The following PPP1R1C variants were observed in gnomAD, a reference collection of about 807,000 sequenced individuals.
PPP1R1C encodes the protein protein phosphatase 1 regulatory subunit 1C.
A neutral mutation model predicts 17.4 loss-of-function variants in PPP1R1C; 15 were observed. That is an observed-to-expected ratio of 0.86 (90% CI 0.58 to 1.33). The LOEUF is 1.33. PPP1R1C is among the 40% of genes most tolerant of loss of function. The probability of loss-of-function intolerance (pLI) is 0.00; values close to 1 mark genes in which losing one functional copy is unlikely to be tolerated. For synonymous variants in PPP1R1C, 35 were observed against 43.1 expected (o/e 0.81, Z 0.73); for missense variants, 143 against 130.0 (o/e 1.10, Z -0.48).
At chr2:182,119,143 G>C (rs1027004273), downstream of PPP1R1C, among the ~76,000 whole-genome samples, 31 of 151,068 alleles carry the variant, frequency 2.1e-4, no homozygotes, top group African/African-American at 6.8e-4. Flanking sequence ...CTATGAGTGG[G>C]AACATGTGGT....
At chr2:182,004,486 TGAAATCTTA>T (rs1685858680) in intron 2 of PPP1R1C, among the ~76,000 whole-genome samples, 1 of 152,244 alleles carries the variant, frequency 6.6e-6, no homozygotes, top group South Asian at 2.1e-4. Context: ...AAGAGTATGC[TGAAATCTTA>T]GGGTGAAGGC....
At chr2:182,010,435 C>A (rs569805319) in intron 2 of PPP1R1C, among the ~76,000 whole-genome samples, 12 of 151,810 alleles carry the variant, frequency 7.9e-5, no homozygotes, top group Non-Finnish European at 1.0e-4. Context: ...TTTACTGTTG[C>A]CATATAGAAA....
chr2:181,991,084 A>G (rs1430066684), intron 2 of PPP1R1C, among the ~76,000 whole-genome samples: 1 of 151,130 alleles, frequency 6.6e-6, no homozygotes, highest in Non-Finnish European at 1.5e-5. Context: ...GTGTACTGCA[A>G]TCACTGTTAA....
intron 2 of PPP1R1C, among the ~76,000 whole-genome samples, chr2:182,023,286 A>G (rs1686486249): frequency 6.6e-6 from 1 of 152,214 alleles, no homozygotes; most frequent in Non-Finnish European, 1.5e-5. Context: ...GAATATACCA[A>G]AATGGTACCA....
chr2:182,122,146 AGAGTT>A (rs1242091960), downstream of PPP1R1C, among the ~76,000 whole-genome samples: 1 of 152,084 alleles, frequency 6.6e-6, no homozygotes, highest in African/African-American at 2.4e-5. Context: ...ATTCTTGACT[AGAGTT>A]ATTTCTATTG....
rs1295290337 is a variant in PPP1R1C, at chr2:181,957,623, CTGTTT to C, written n.111+2992_111+2996del. Among the ~76,000 whole-genome samples the C allele has an allele frequency of 2.0e-5, 3 of 152,244 alleles. No homozygotes were observed. Among genetic ancestry groups the C allele is most frequent in the Admixed American group, 6.5e-5 (1 of 15,298 alleles). On this transcript the variant is annotated intron_variant and non_coding_transcript_variant, in intron 1 of 5. Coordinates refer to the PPP1R1C transcript ENST00000464264. The surrounding 1 kb of genome is among the most constrained non-coding windows in gnomAD (Gnocchi z 4.2). ...GGGTGTCTTCTTCTCAAAACTGTTTCTGTTTTGAGTATTCTTTATTTTCTTCTTAT... is the reference window on the plus strand; with the variant it reads ...GGGTGTCTTCTTCTCAAAACTGTTTCTGAGTATTCTTTATTTTCTTCTTAT...
At chr2:182,120,989 T>C (rs1326424810), downstream of PPP1R1C, among the ~76,000 whole-genome samples, 2 of 152,202 alleles carry the variant, frequency 1.3e-5, no homozygotes, top group Admixed American at 6.5e-5. Context: ...ATGTTGACTT[T>C]CTCAGAAATT....
At chr2:182,124,013 C>T (rs2125241838) in intron 5 of PPP1R1C, among the ~76,000 whole-genome samples, 1 of 152,224 alleles carries the variant, frequency 6.6e-6, no homozygotes, top group African/African-American at 2.4e-5. Context: ...TTTAATCCAT[C>T]TTCAGTTAAT....
At chr2:182,108,936 A>C (rs1225218642) in intron 4 of PPP1R1C, among the ~76,000 whole-genome samples, 1 of 152,198 alleles carries the variant, frequency 6.6e-6, no homozygotes, top group East Asian at 1.9e-4. Flanking sequence ...GGAAATTGCC[A>C]AACTCTCTCT....
chr2:182,074,245 A>T (rs1207209100), intron 4 of PPP1R1C, among the ~76,000 whole-genome samples: 1 of 151,652 alleles, frequency 6.6e-6, no homozygotes, highest in Non-Finnish European at 1.5e-5. Flanking sequence ...GTTTCACCAT[A>T]TTAGCCAGGA....
At chr2:181,980,280 G>A (rs1404589045) in intron 2 of PPP1R1C, among the ~76,000 whole-genome samples, 1 of 152,144 alleles carries the variant, frequency 6.6e-6, no homozygotes. Flanking sequence ...CAAAAAGCAG[G>A]GAGAGGCTAA....
At chr2:182,026,760 G>A (rs892081851) in intron 2 of PPP1R1C, among the ~76,000 whole-genome samples, 1 of 151,364 alleles carries the variant, frequency 6.6e-6, no homozygotes, top group Admixed American at 6.6e-5. Flanking sequence ...GTCATTGGTA[G>A]CTTGATGGGG....
intron 4 of PPP1R1C, among the ~76,000 whole-genome samples, chr2:182,098,567 T>G (rs1168524031): frequency 6.6e-6 from 1 of 152,188 alleles, no homozygotes; most frequent in Non-Finnish European, 1.5e-5. Context: ...AATGTGATTC[T>G]AATAATCTAC....
chr2:182,069,769 C>T (rs955302999), intron 4 of PPP1R1C, among the ~76,000 whole-genome samples: 1 of 152,124 alleles, frequency 6.6e-6, no homozygotes, highest in African/African-American at 2.4e-5. Context: ...GTATAAATAA[C>T]ATAACAGCTT....
intron 4 of PPP1R1C, among the ~76,000 whole-genome samples, chr2:182,109,327 G>A (rs940951402): frequency 2.6e-5 from 4 of 152,208 alleles, no homozygotes; most frequent in African/African-American, 7.2e-5. Flanking sequence ...TTTTCACAGA[G>A]CAGATGTTTT....
intron 4 of PPP1R1C, among the ~76,000 whole-genome samples, chr2:182,087,196 C>T (rs768758693): frequency 3.3e-5 from 5 of 152,186 alleles, no homozygotes; most frequent in African/African-American, 9.7e-5. Flanking sequence ...GTATTGTACA[C>T]CTTTGTACAC....
chr2:182,077,789 A>G (rs1055976338), intron 4 of PPP1R1C, among the ~76,000 whole-genome samples: 1 of 152,180 alleles, frequency 6.6e-6, no homozygotes. Flanking sequence ...CTCAGTGCTT[A>G]TTAGATCATT....
At chr2:181,983,080 T>C (rs1685222241), upstream of PPP1R1C, among the ~76,000 whole-genome samples, 2 of 152,208 alleles carry the variant, frequency 1.3e-5, no homozygotes, top group African/African-American at 4.8e-5. Context: ...CTTGCTTCTC[T>C]TTCATTCATA....
intron 2 of PPP1R1C, among the ~76,000 whole-genome samples, chr2:181,993,837 A>G (rs1685535776): frequency 6.6e-6 from 1 of 152,116 alleles, no homozygotes; most frequent in East Asian, 1.9e-4. Flanking sequence ...CCAGTTCTTG[A>G]TAGTGACAAG....
Sources: gnomAD v4.1 joint callset for allele counts (sites outside exome capture counted in the v4.1 genomes callset) on GRCh38, gnomAD v4.1.1 for gene constraint, Gnocchi (gnomAD v3.1) non-coding constraint, MANE v1.5 for transcripts, NCBI Gene and HGNC (gene_info 2026-07-23, HGNC 2026-07-21) for gene names.